GPR137: variants seen among roughly 807,000 people sequenced by gnomAD.
GPR137 encodes integral membrane protein GPR137.
Under a neutral mutation model 38.9 loss-of-function variants are expected in GPR137, and 20 were observed. The ratio of observed to expected loss-of-function variants is 0.51; its 90% confidence interval spans 0.36 to 0.75. The LOEUF is 0.75. Among genes scored for constraint, GPR137 ranks in the 30% least tolerant of loss-of-function variants. GPR137 has a pLI of 0.00. For missense variants in GPR137, 456 were observed against 526.4 expected (o/e 0.87, Z 1.31); for synonymous variants, 226 against 235.8 (o/e 0.96, Z 0.38).
At position 64,288,491 on chromosome 11, in the gene GPR137, G is replaced by A. The variant is rs775546028; in HGVS notation, c.912+23G>A. 5 of 1,613,032 alleles carry A rather than the reference G, an allele frequency of 3.1e-6. No individual in the cohort carries two copies. Among genetic ancestry groups the A allele is most frequent in the East Asian group, 2.2e-5 (1 of 44,878 alleles). ...CTGGTAAGGGTCTGCTCCCTCTTCT[G>A]TGGGGCCAGTGGAGGGGGCGGATGT... On this transcript the variant is annotated intron_variant, in intron 5 of 6. Coordinates refer to ENST00000438980, the MANE Select transcript of GPR137 (RefSeq NM_001170880.2). This position sits in a 1 kb window ranked among gnomAD's most constrained non-coding sequence, Gnocchi z 5.5.
rs1488932917 is a variant in GPR137, at chr11:64,289,304, A to T, written c.*108A>T. On this transcript the variant is annotated 3_prime_UTR_variant, in exon 7 of 7. Coordinates refer to ENST00000438980, the MANE Select transcript of GPR137 (RefSeq NM_001170880.2). ...GCCCAGGATCCTGGGGGTCGTGGCT[A>T]CCCCCTCCTCTGGCCGGCTCCTTGC... The T allele has an allele frequency of 1.2e-6, 2 of 1,609,684 alleles. No homozygotes were observed. The highest frequency in any genetic ancestry group is 1.7e-6 in the Non-Finnish European group (2 of 1,178,898).
upstream of GPR137, among the ~76,000 whole-genome samples, chr11:64,279,762 C>A (rs1168962393): frequency 1.5e-4 from 16 of 103,714 alleles, no homozygotes; most frequent in African/African-American, 1.5e-4. Flanking sequence ...GACTCTATCT[C>A]AAAAAAAAAA....
upstream of GPR137, among the ~76,000 whole-genome samples, chr11:64,281,319 C>T (rs1327301447): frequency 6.6e-6 from 1 of 152,142 alleles, no homozygotes; most frequent in Non-Finnish European, 1.5e-5. Context: ...CTTTCCCTCG[C>T]ACCCCACATC....
chr11:64,270,560 G>A (rs1037782459), exon 1 of GPR137: 2 of 723,938 alleles, frequency 2.8e-6, no homozygotes, highest in South Asian at 3.0e-5. Context: ...CCGGAGACGG[G>A]AAGAGAGGAT....
chr11:64,279,601 A>AC (rs1276623806), upstream of GPR137, among the ~76,000 whole-genome samples: 1 of 151,652 alleles, frequency 6.6e-6, no homozygotes, highest in African/African-American at 2.4e-5. Flanking sequence ...CCCCGTCTCC[A>AC]CTAAAAACAC....
chr11:64,285,856 G>T lies in GPR137; in HGVS notation c.-669G>T, dbSNP rs976176143. On this transcript the variant is annotated 5_prime_UTR_variant, in exon 1 of 7. Coordinates refer to ENST00000438980, the MANE Select transcript of GPR137 (RefSeq NM_001170880.2). ...CGGAGGGGGAGGGGGGCGGAGCAGCGGGAGCCGGGGAGCCGGAGCCCCGGG... is the reference window on the plus strand; with the variant it reads ...CGGAGGGGGAGGGGGGCGGAGCAGCTGGAGCCGGGGAGCCGGAGCCCCGGG... 1.0e-6 allele frequency: 1 copy of T among 983,202 alleles called. No homozygotes were observed. The highest frequency in any genetic ancestry group is 1.2e-6 in the Non-Finnish European group (1 of 827,994). 60.9% of individuals were successfully genotyped at this position (983,202 alleles called of 1,614,324 possible). A position where few individuals can be genotyped will look rare whatever the true frequency, so the allele number is the denominator to read the frequency against.
At position 64,288,295 on chromosome 11, in the gene GPR137, C is replaced by G. The variant is rs1266253523; in HGVS notation, c.784-45C>G. The G allele has an allele frequency of 6.2e-7, 1 of 1,612,776 alleles. No individual in the cohort carries two copies. The highest frequency in any genetic ancestry group is 1.7e-5 in the Admixed American group (1 of 60,000). On this transcript the variant is annotated intron_variant, in intron 4 of 6. Coordinates refer to ENST00000438980, the MANE Select transcript of GPR137 (RefSeq NM_001170880.2). This position sits in a 1 kb window ranked among gnomAD's most constrained non-coding sequence, Gnocchi z 5.5. Reference sequence around the variant, plus strand: ...TGGCCTGGGCCCTGTCCCACTACCCCTTTGGCGTGACTGCAGACTGGCACC... The same window carrying G: ...TGGCCTGGGCCCTGTCCCACTACCCGTTTGGCGTGACTGCAGACTGGCACC...
upstream of GPR137, among the ~76,000 whole-genome samples, chr11:64,272,319 GA>G (rs776668412): frequency 2.7e-3 from 373 of 138,740 alleles, 2 homozygotes; most frequent in East Asian, 0.022. Flanking sequence ...TTTCTCAAAA[GA>G]AAAAAAAAAA....
At chr11:64,279,762 CA>C (rs35718358), upstream of GPR137, among the ~76,000 whole-genome samples, 55,738 of 103,314 alleles carry the variant, frequency 0.54, 13,755 homozygotes, top group East Asian at 0.74. Context: ...GACTCTATCT[CA>C]AAAAAAAAAA....
chr11:64,271,406 C>CACACACACACACACACA (rs2032589137), upstream of GPR137, among the ~76,000 whole-genome samples: 1 of 140,538 alleles, frequency 7.1e-6, no homozygotes, highest in South Asian at 2.4e-4. Flanking sequence ...CACACACACA[C>CACACACACACACACACA]CAGGCGGGGG....
chr11:64,276,819 T>C (rs2033099964), intron 2 of GPR137: 2 of 677,756 alleles, frequency 3.0e-6, no homozygotes, highest in South Asian at 3.2e-5. Context: ...ACTCTTGCCA[T>C]CCGCCTAGAG....
chr11:64,279,760 C>A (rs1398581560), upstream of GPR137, among the ~76,000 whole-genome samples: 4 of 50,448 alleles, frequency 7.9e-5, no homozygotes. Flanking sequence ...AAGACTCTAT[C>A]TCAAAAAAAA....
upstream of GPR137, among the ~76,000 whole-genome samples, chr11:64,274,992 CAAAAAAAAAAAA>C (rs34418386): frequency 1.8e-5 from 1 of 54,406 alleles, no homozygotes; most frequent in African/African-American, 9.2e-5. Flanking sequence ...GACTTTGTCT[CAAAAAAAAAAAA>C]AAAAAAAAAA....
Position 64,289,260 on chromosome 11 carries a change from A to G in GPR137, c.*64A>G, listed in dbSNP as rs1278316492. 1 of 1,613,050 alleles carries G rather than the reference A, an allele frequency of 6.2e-7. No homozygotes were observed. The highest frequency in any genetic ancestry group is 1.7e-5 in the Admixed American group (1 of 59,968). ...CCCCTCACCCTAGGCCCCTGTGCCAAGTTTGTCTGCCGCTTCTTGCCCAGG... is the reference window on the plus strand; with the variant it reads ...CCCCTCACCCTAGGCCCCTGTGCCAGGTTTGTCTGCCGCTTCTTGCCCAGG... On this transcript the variant is annotated 3_prime_UTR_variant, in exon 7 of 7. Transcript: ENST00000438980.
At chr11:64,285,526 C>A, upstream of GPR137, 1 of 985,092 alleles carries the variant, frequency 1.0e-6, no homozygotes, top group Non-Finnish European at 1.2e-6. Flanking sequence ...GACGGGAATC[C>A]GTTGCCGCCC....
At chr11:64,285,556 C>G, upstream of GPR137, 1 of 984,138 alleles carries the variant, frequency 1.0e-6, no homozygotes, top group Non-Finnish European at 1.2e-6. Context: ...CGGCACGACC[C>G]CGATTTGGGT....
upstream of GPR137, chr11:64,284,381 G>T (rs75052600): frequency 6.2e-7 from 1 of 1,612,466 alleles, no homozygotes. Context: ...TCTGGGCTGT[G>T]AGGACAAGAT....
chr11:64,273,885 G>C (rs1399322413), upstream of GPR137, among the ~76,000 whole-genome samples: 1 of 144,716 alleles, frequency 6.9e-6, no homozygotes, highest in Non-Finnish European at 1.5e-5. Context: ...AAAAAAGAGA[G>C]GCAGGTAGGG....
In GPR137 at chr11:64,286,563, G is replaced by C; in HGVS notation, c.39G>C (p.Gly13=). Residue 13 remains glycine (G), a synonymous_variant, in exon 1 of 7, where the codon GGG becomes GGC. Coordinates refer to ENST00000438980, the MANE Select transcript of GPR137 (RefSeq NM_001170880.2). The stretch of plus-strand genomic sequence containing the variant: ...TGTCTGGCCTGGTGCCTGCTGCCGG[G>C]CTGGTGCCTGCGCTGCCACCTGCTG... ...SNLSGLVPAA[G]LVPALPPAVT... The C allele has an allele frequency of 6.2e-7, 1 of 1,613,364 alleles. No individual in the cohort carries two copies. Among genetic ancestry groups the C allele is most frequent in the South Asian group, 1.1e-5 (1 of 91,048 alleles).
Sources: gnomAD v4.1 joint callset for allele counts (sites outside exome capture counted in the v4.1 genomes callset) on GRCh38, gnomAD v4.1.1 for gene constraint, Gnocchi (gnomAD v3.1) non-coding constraint, MANE v1.5 for transcripts, NCBI Gene and HGNC (gene_info 2026-07-23, HGNC 2026-07-21) for gene names.